Variants in HDAC4 observed in about 807,000 individuals in gnomAD.
HDAC4 encodes the protein histone deacetylase 4.
Under a neutral mutation model 135.1 loss-of-function variants are expected in HDAC4, and 16 were observed. That is an observed-to-expected ratio of 0.12 (90% confidence interval 0.08 to 0.18). The LOEUF (loss-of-function observed/expected upper bound fraction) is 0.18, where lower values mean the gene tolerates loss of function less well. Among genes scored for constraint, HDAC4 ranks in the 10% least tolerant of loss-of-function variants. HDAC4 has a pLI of 1.00. For missense variants in HDAC4, 1,143 were observed against 1,511.8 expected, an observed-to-expected ratio of 0.76 and a Z score of 4.05; for synonymous variants, 685 against 653.4, an observed-to-expected ratio of 1.05 and a Z score of -0.74.
At chr2:239,362,881 T>C (rs907461891) in intron 1 of HDAC4, among the ~76,000 whole-genome samples, 2 of 152,198 alleles carry the variant, frequency 1.3e-5, no homozygotes, top group African/African-American at 2.4e-5. Flanking sequence ...ACAGATGATA[T>C]AGTGTATACA....
chr2:239,170,911 A>G (rs555721991), intron 5 of HDAC4, among the ~76,000 whole-genome samples: 134 of 152,306 alleles, frequency 8.8e-4, no homozygotes, highest in African/African-American at 3.1e-3. Context: ...TAGGACCTCA[A>G]AGGGATATGC....
At chr2:239,054,405 C>T (rs545913634) in intron 25 of HDAC4, among the ~76,000 whole-genome samples, 4 of 152,180 alleles carry the variant, frequency 2.6e-5, no homozygotes, top group East Asian at 1.9e-4. Context: ...GGGAAGAGGC[C>T]GGAGTCCCCA....
intron 1 of HDAC4, among the ~76,000 whole-genome samples, chr2:239,392,985 G>A (rs183008565): frequency 9.8e-5 from 15 of 152,304 alleles, no homozygotes; most frequent in Admixed American, 9.8e-4. Flanking sequence ...CTCCTGGCAG[G>A]CTTCAGTCCT....
intron 3 of HDAC4, among the ~76,000 whole-genome samples, chr2:239,214,987 C>T (rs963213859): frequency 2.0e-5 from 3 of 152,292 alleles, no homozygotes; most frequent in Non-Finnish European, 2.9e-5. Flanking sequence ...CTGAGAACGC[C>T]CAGCTGGGGA....
intron 2 of HDAC4, among the ~76,000 whole-genome samples, chr2:239,344,934 C>CT (rs1692517507): frequency 6.6e-6 from 1 of 152,076 alleles, no homozygotes; most frequent in African/African-American, 2.4e-5. Flanking sequence ...ACCCCCAGGG[C>CT]TGCCCACCGC....
At chr2:239,160,249 T>C (rs2042706901) in intron 6 of HDAC4, among the ~76,000 whole-genome samples, 1 of 152,224 alleles carries the variant, frequency 6.6e-6, no homozygotes, top group Non-Finnish European at 1.5e-5. Context: ...ATAATCGATA[T>C]AAACATATTA....
At chr2:239,322,084 C>T (rs1217894441) in intron 2 of HDAC4, among the ~76,000 whole-genome samples, 2 of 152,232 alleles carry the variant, frequency 1.3e-5, no homozygotes, top group Non-Finnish European at 2.9e-5. Flanking sequence ...TTAGAGGTTT[C>T]CTACTGGTTA....
chr2:239,070,040 G>A (rs1383670530), intron 22 of HDAC4, among the ~76,000 whole-genome samples: 2 of 149,718 alleles, frequency 1.3e-5, no homozygotes, highest in East Asian at 4.1e-4. Flanking sequence ...TCTCTTCTGA[G>A]ACTGGGTCAG....
intron 2 of HDAC4, among the ~76,000 whole-genome samples, chr2:239,292,351 T>G (rs2051573162): frequency 6.6e-6 from 1 of 152,194 alleles, no homozygotes. Context: ...GATAAACCCC[T>G]TTCTAGCACT....
rs1353528092 is a variant in HDAC4 at position 239,281,005 on chromosome 2, ACT to A, written c.23-44343_23-44342del. Among the ~76,000 whole-genome samples the A allele has an allele frequency of 2.4e-5, 3 of 126,872 alleles. 1 individual carries two copies. The highest frequency in any genetic ancestry group is 5.1e-5 in the Non-Finnish European group (3 of 58,590). 83.2% of individuals were successfully genotyped at this position (126,872 alleles called of 152,430 possible). On this transcript the variant is annotated intron_variant, in intron 2 of 26. Transcript: ENST00000543185. Reference sequence around the variant, plus strand: ...CCACTCTACACACAATGTACACACCACTCTCAATGTACACACCACTCTCAATG... The same window carrying A: ...CCACTCTACACACAATGTACACACCACTCAATGTACACACCACTCTCAATG...
Position 239,313,876 on chromosome 2 carries a change from G to A in HDAC4, c.22+38802C>T, listed in dbSNP as rs967502448. 1.3e-5 allele frequency among the ~76,000 whole-genome samples: 2 copies of A among 152,148 alleles called. No homozygotes were observed. Among genetic ancestry groups the A allele is most frequent in the Non-Finnish European group, 2.9e-5 (2 of 68,032 alleles). On this transcript the variant is annotated intron_variant, in intron 2 of 26. Transcript: ENST00000543185. This position sits in a 1 kb window ranked among gnomAD's most constrained non-coding sequence, Gnocchi z 5.1. ...GCCTGGAGCCCAGGGCCTGTCCTGG[G>A]GCAGCCACCTGCACTGCCTCTTACC...
intron 12 of HDAC4, among the ~76,000 whole-genome samples, chr2:239,118,926 C>A (rs575811208): frequency 6.6e-6 from 1 of 152,302 alleles, no homozygotes; most frequent in East Asian, 1.9e-4. Context: ...ACACTGAGAG[C>A]CTGAGAGGCC....
chr2:239,291,291 C>T lies in HDAC4; in HGVS notation c.23-54627G>A, dbSNP rs1255404874. 2.0e-5 allele frequency among the ~76,000 whole-genome samples: 3 copies of T among 152,190 alleles called. No individual in the cohort carries two copies. In the East Asian group the frequency reaches 5.8e-4, roughly 29 times the overall value. ...GCCTGCCAGGGCTGGCCCGGGCTGG[C>T]CAGGGCCAAGTGCACACGGGGATGG... On this transcript the variant is annotated intron_variant, in intron 2 of 26. Transcript: ENST00000543185.
In HDAC4 at chr2:239,262,780, C is replaced by T. The variant is rs1190023580; in HGVS notation, c.23-26116G>A. Among the ~76,000 whole-genome samples the T allele has an allele frequency of 6.6e-6, 1 of 152,234 alleles. No individual in the cohort carries two copies. The highest frequency in any genetic ancestry group is 1.5e-5 in the Non-Finnish European group (1 of 68,042). On this transcript the variant is annotated intron_variant, in intron 2 of 26. Transcript: ENST00000543185. This position sits in a 1 kb window ranked among gnomAD's most constrained non-coding sequence, Gnocchi z 4.1. ...CAGCCCAAGAACACAGACGAGGAGG[C>T]CTGTGCTCAGGCACTAAGGACACGG... is the stretch of plus-strand genomic sequence containing the variant.
intron 24 of HDAC4, 73 bp downstream of exon 24, chr2:239,066,647 GCT>G: frequency 1.9e-6 from 3 of 1,603,382 alleles, no homozygotes; most frequent in Non-Finnish European, 2.6e-6. Flanking sequence ...ATGCTCTGGG[GCT>G]CTCGGGCAGC....
At chr2:239,333,982 C>T in intron 2 of HDAC4, among the ~76,000 whole-genome samples, 1 of 151,974 alleles carries the variant, frequency 6.6e-6, no homozygotes, top group East Asian at 1.9e-4. Flanking sequence ...GGCAGTGCAG[C>T]AAAGCAAGAA....
At chr2:239,164,545 A>G (rs994589175) in intron 5 of HDAC4, among the ~76,000 whole-genome samples, 22 of 152,216 alleles carry the variant, frequency 1.4e-4, no homozygotes, top group Admixed American at 1.3e-4. Flanking sequence ...ATTAAAGGGA[A>G]CTGGCAAAAA....
Position 239,262,971 on chromosome 2 carries a change from C to T in HDAC4, c.23-26307G>A, listed in dbSNP as rs368988967. 8.1e-4 allele frequency among the ~76,000 whole-genome samples: 123 copies of T among 151,998 alleles called. 1 individual carries two copies. The highest frequency in any genetic ancestry group is 2.8e-3 in the African/African-American group (117 of 41,432). On this transcript the variant is annotated intron_variant, in intron 2 of 26. Coordinates refer to ENST00000543185, the MANE Select transcript of HDAC4 (RefSeq NM_001378414.1). The surrounding 1 kb of genome is among the most constrained non-coding windows in gnomAD (Gnocchi z 4.1). ...ACGAAAGATCTACGCGTGAAGCCCCCGGGAAGCCAAGCCCCAGGAAGGGCC... is the reference window on the plus strand; with the variant it reads ...ACGAAAGATCTACGCGTGAAGCCCCTGGGAAGCCAAGCCCCAGGAAGGGCC...
At chr2:239,345,163 A>G (rs1692529768) in intron 2 of HDAC4, among the ~76,000 whole-genome samples, 1 of 152,182 alleles carries the variant, frequency 6.6e-6, no homozygotes. Context: ...GGCCATGCTC[A>G]GAATCTGCAA....
Sources: allele counts gnomAD v4.1 joint callset (sites outside exome capture counted in the v4.1 genomes callset), GRCh38; gene constraint gnomAD v4.1.1; non-coding constraint Gnocchi (gnomAD v3.1); transcripts MANE v1.5; gene names NCBI Gene and HGNC (gene_info 2026-07-23, HGNC 2026-07-21).